AKT1S1: variants seen among roughly 807,000 people sequenced by gnomAD.
AKT1S1 encodes the protein AKT1 substrate 1.
A neutral mutation model predicts 21.2 loss-of-function variants in AKT1S1; 17 were observed. The ratio of observed to expected loss-of-function variants is 0.80; its 90% confidence interval spans 0.55 to 1.20. The LOEUF is 1.20. Ranked by LOEUF, AKT1S1 falls within the 50% of genes most tolerant of loss-of-function variation. AKT1S1 has a pLI of 0.00. For missense variants in AKT1S1, 366 were observed against 368.3 expected (o/e 0.99, Z 0.05); for synonymous variants, 181 against 165.6 (o/e 1.09, Z -0.72).
intron 1 of AKT1S1, chr19:49,874,524 C>CT (rs1568668925): frequency 2.0e-5 from 3 of 152,296 alleles, no homozygotes; most frequent in Admixed American, 6.5e-5. Flanking sequence ...CTGCCTCCTG[C>CT]ATCAGACTGT....
At chr19:49,871,303 G>A (rs1004841875) in intron 4 of AKT1S1, among the ~76,000 whole-genome samples, 7 of 152,224 alleles carry the variant, frequency 4.6e-5, no homozygotes, top group Admixed American at 1.3e-4. Context: ...CCCAGAGCAG[G>A]TGTTCTATAA....
Position 49,873,221 on chromosome 19 carries a change from G to T in AKT1S1, c.75C>A (p.Gly25=). 6.5e-7 allele frequency: 1 copy of T among 1,535,048 alleles called. No homozygotes were observed. Among genetic ancestry groups the T allele is most frequent in the South Asian group, 1.2e-5 (1 of 84,062 alleles). ...CCGCGGTCAGCAGCACCAGCTCCGT[G>T]CCAGTCCGGGCCCGGAAGCGCTCAG... The part of the protein sequence containing the change: ...GAAERFRART[G]TELVLLTAAP... Residue 25 remains glycine, a synonymous_variant, in exon 2 of 5, where the codon GGC becomes GGA. Transcript: ENST00000344175. This position sits in a 1 kb window ranked among gnomAD's most constrained non-coding sequence, Gnocchi z 6.9.
At position 49,873,012 on chromosome 19, in the gene AKT1S1, C is replaced by T. The variant is rs769737259; in HGVS notation, c.284G>A (p.Arg95Gln). The change falls in exon 2 of 5, where the codon CGG becomes CAG. Residue 95 changes from arginine to glutamine, a missense_variant. Arg to Gln is a conservative substitution (Grantham distance 43). Coordinates refer to ENST00000344175, the MANE Select transcript of AKT1S1 (RefSeq NM_001098633.4). This position sits in a 1 kb window ranked among gnomAD's most constrained non-coding sequence, Gnocchi z 6.9. Reference sequence around the variant, plus strand: ...GTTGTCCTCTCTGGCCAGGGTAGGCCGGGGTGGGCTGGGTGTGGGACTGGG... The same window carrying T: ...GTTGTCCTCTCTGGCCAGGGTAGGCTGGGGTGGGCTGGGTGTGGGACTGGG... ...QPPSPTPSPP[R>Q]PTLAREDNEE... 27 of 1,573,654 alleles carry T rather than the reference C, an allele frequency of 1.7e-5. No individual in the cohort carries two copies. Among genetic ancestry groups the T allele is most frequent in the East Asian group, 4.7e-5 (2 of 42,528 alleles).
intron 1 of AKT1S1, chr19:49,876,764 C>G: frequency 7.7e-7 from 1 of 1,291,452 alleles, no homozygotes; most frequent in Non-Finnish European, 1.0e-6. Flanking sequence ...GGGGCTTCAT[C>G]CGAACCAGTT....
intron 4 of AKT1S1, 123 bp downstream of exon 4, chr19:49,871,424 G>T: frequency 7.4e-7 from 1 of 1,343,116 alleles, no homozygotes; most frequent in Non-Finnish European, 1.0e-6. Flanking sequence ...GCCTCTTGAG[G>T]TTGAGGGGAG....
rs1416460712 is a variant in AKT1S1 at position 49,869,446 on chromosome 19, A to C, written c.*471T>G. 2 of 153,370 alleles carry C rather than the reference A, an allele frequency of 1.3e-5. No individual in the cohort carries two copies. Among genetic ancestry groups the C allele is most frequent in the Non-Finnish European group, 2.9e-5 (2 of 68,452 alleles). 9.5% of individuals were successfully genotyped at this position (153,370 alleles called of 1,614,324 possible). ...AAGAGGAGGGCTTGGCCACGCCCCC[A>C]GGAAGCTGGAGCCAATTGGGAGGGA... On this transcript the variant is annotated 3_prime_UTR_variant, in exon 5 of 5. Coordinates refer to ENST00000344175, the MANE Select transcript of AKT1S1 (RefSeq NM_001098633.4).
chr19:49,877,923 C>T, upstream of AKT1S1: 1 of 814,708 alleles, frequency 1.2e-6, no homozygotes, highest in South Asian at 1.8e-5. Flanking sequence ...TCCCATGGCC[C>T]CGCCCCCCCG....
intron 2 of AKT1S1, 26 bp downstream of exon 2, chr19:49,872,891 A>AC: frequency 4.6e-6 from 7 of 1,528,392 alleles, no homozygotes; most frequent in Non-Finnish European, 5.3e-6. Context: ...GCTGGGCCGC[A>AC]CCCGCCCCTG....
upstream of AKT1S1, chr19:49,878,072 C>G: frequency 7.7e-7 from 1 of 1,298,094 alleles, no homozygotes; most frequent in East Asian, 2.5e-5. Context: ...CTCCCTGGGC[C>G]CGTCCCTATT....
At position 49,876,365 on chromosome 19, in the gene AKT1S1, A is replaced by C. The variant is rs2074944094; in HGVS notation, c.-8+872T>G. 3.4e-6 allele frequency: 4 copies of C among 1,183,926 alleles called. No individual in the cohort carries two copies. The South Asian group carries it at 1.2e-4, about 34-fold the overall frequency. The allele number at this position is 1,183,926 out of a possible 1,614,324, so 73.3% of individuals were successfully genotyped here. ...GACGTGGTCCACGGCCCAGGTAGAG[A>C]TCCCAGGCGCTCTGGAACCGCAAGG... On this transcript the variant is annotated intron_variant, in intron 1 of 4. Coordinates refer to ENST00000344175, the MANE Select transcript of AKT1S1 (RefSeq NM_001098633.4).
chr19:49,877,573 C>T (rs1284031692), upstream of AKT1S1: 1 of 730,410 alleles, frequency 1.4e-6, no homozygotes, highest in African/African-American at 1.8e-5. Flanking sequence ...GGAATAACCC[C>T]CTTCTGAAAA....
chr19:49,872,275 G>A (rs1407886645), intron 2 of AKT1S1, among the ~76,000 whole-genome samples: 2 of 152,086 alleles, frequency 1.3e-5, no homozygotes, highest in African/African-American at 2.4e-5. Flanking sequence ...GGCTACTAAG[G>A]GACACCACCA....
chr19:49,872,871 C>A (rs753075763), intron 2 of AKT1S1, 46 bp downstream of exon 2: 5 of 1,563,154 alleles, frequency 3.2e-6, no homozygotes, highest in African/African-American at 1.4e-5. Context: ...CTCCTGCGGG[C>A]ACCTCAAGCG....
rs2074908034 is a variant in AKT1S1, at chr19:49,873,349, A to G, written c.-7-47T>C. 2.1e-6 allele frequency: 3 copies of G among 1,398,906 alleles called. No homozygotes were observed. The highest frequency in any genetic ancestry group is 1.5e-5 in the South Asian group (1 of 65,566). 86.7% of individuals were successfully genotyped at this position (1,398,906 alleles called of 1,614,324 possible). On this transcript the variant is annotated intron_variant, in intron 1 of 4. Transcript: ENST00000344175. This position sits in a 1 kb window ranked among gnomAD's most constrained non-coding sequence, Gnocchi z 6.9. ...AGGGGGCTGAGGCTTGGCGGCCTACATCATCGCCACCCACTCAGAGTGCCC... is the reference window on the plus strand; with the variant it reads ...AGGGGGCTGAGGCTTGGCGGCCTACGTCATCGCCACCCACTCAGAGTGCCC...
chr19:49,869,866 G>C lies in AKT1S1; in HGVS notation c.*51C>G. 1 of 1,411,494 alleles carries C rather than the reference G, an allele frequency of 7.1e-7. No homozygotes were observed. Among genetic ancestry groups the C allele is most frequent in the South Asian group, 1.5e-5 (1 of 67,966 alleles). The allele number at this position is 1,411,494 out of a possible 1,614,324, so 87.4% of individuals were successfully genotyped here. ...AGCAGGCCCCGGGAGTGGGGCGGGGGCGTAGTGTGGGACGGGGCGGACGCG... is the reference window on the plus strand; with the variant it reads ...AGCAGGCCCCGGGAGTGGGGCGGGGCCGTAGTGTGGGACGGGGCGGACGCG... On this transcript the variant is annotated 3_prime_UTR_variant, in exon 5 of 5. Transcript: ENST00000344175.
chr19:49,876,721 T>C (rs1395672325), intron 1 of AKT1S1: 5 of 1,402,358 alleles, frequency 3.6e-6, no homozygotes, highest in Non-Finnish European at 3.7e-6. Flanking sequence ...GCCTCCCTTA[T>C]CGGGGCCGCC....
chr19:49,876,014 C>T, intron 1 of AKT1S1: 8 of 985,348 alleles, frequency 8.1e-6, no homozygotes, highest in Non-Finnish European at 8.4e-6. Flanking sequence ...AGGGGGAGCA[C>T]GATGTGGCTG....
Position 49,869,637 on chromosome 19 carries a change from G to T in AKT1S1, c.*280C>A. The T allele has an allele frequency of 2.7e-6, 1 of 366,118 alleles. No individual in the cohort carries two copies. The highest frequency in any genetic ancestry group is 4.9e-6 in the Non-Finnish European group (1 of 202,124). The allele number at this position is 366,118 out of a possible 1,614,324, so 22.7% of individuals were successfully genotyped here. A position where few individuals can be genotyped will look rare whatever the true frequency, so the allele number is the denominator to read the frequency against. ...AAACAAAGGAGTTGACCCATTTAGAGCTTAGAACTCAGCGAGCCAATCCCT... is the reference window on the plus strand; with the variant it reads ...AAACAAAGGAGTTGACCCATTTAGATCTTAGAACTCAGCGAGCCAATCCCT... On this transcript the variant is annotated 3_prime_UTR_variant, in exon 5 of 5. Transcript: ENST00000344175.
intron 1 of AKT1S1, chr19:49,875,776 G>T: frequency 1.1e-6 from 1 of 905,566 alleles, no homozygotes; most frequent in Non-Finnish European, 1.3e-6. Context: ...TGAGCAAAAA[G>T]GACAGGGCGA....
Sources: gnomAD v4.1 joint callset for allele counts (sites outside exome capture counted in the v4.1 genomes callset) on GRCh38, gnomAD v4.1.1 for gene constraint, Gnocchi (gnomAD v3.1) non-coding constraint, MANE v1.5 for transcripts, NCBI Gene and HGNC (gene_info 2026-07-23, HGNC 2026-07-21) for gene names.